Variants in HSPA12A observed in about 807,000 individuals in gnomAD.
The protein encoded by HSPA12A is heat shock protein family A (Hsp70) member 12A.
Under a neutral mutation model 69.2 loss-of-function variants are expected in HSPA12A, and 28 were observed. That is an observed-to-expected ratio of 0.40 (90% CI 0.30 to 0.55). The LOEUF (loss-of-function observed/expected upper bound fraction) is 0.55. HSPA12A is among the 20% of genes least tolerant of loss of function. The pLI is 0.38. For missense variants in HSPA12A, 686 were observed against 900.7 expected (o/e 0.76, Z 3.05); for synonymous variants, 345 against 370.5 (o/e 0.93, Z 0.79).
In HSPA12A at chr10:116,676,298, A is replaced by G. The variant is rs1849233104; in HGVS notation, c.1390+101T>C. The G allele has an allele frequency of 5.0e-6, 5 of 995,540 alleles. No individual in the cohort carries two copies. In the East Asian group the frequency reaches 1.2e-4, roughly 24 times the overall value. The allele number at this position is 995,540 out of a possible 1,614,324, so 61.7% of individuals were successfully genotyped here. ...GCCCTTGCCTGTGGCTCCCAGATCCAGGCCAACCTGACTCCACAGGCACCA... is the reference window on the plus strand; with the variant it reads ...GCCCTTGCCTGTGGCTCCCAGATCCGGGCCAACCTGACTCCACAGGCACCA... On this transcript the variant is annotated intron_variant, in intron 11 of 11. Transcript: ENST00000369209.
chr10:116,847,368 C>G (rs994700734), intron 1 of HSPA12A, among the ~76,000 whole-genome samples: 60 of 152,126 alleles, frequency 3.9e-4, no homozygotes, highest in African/African-American at 1.4e-3. Context: ...CTCTTGTTTT[C>G]TGTATAACAA....
chr10:116,743,334 T>C (rs529315064), upstream of HSPA12A, among the ~76,000 whole-genome samples: 23 of 152,322 alleles, frequency 1.5e-4, no homozygotes, highest in Admixed American at 2.6e-4. Flanking sequence ...GGCACCTGTT[T>C]GGGCCTGGCC....
chr10:116,705,089 G>A (rs535650850), intron 3 of HSPA12A, 62 bp downstream of exon 3: 161 of 1,594,850 alleles, frequency 1.0e-4, no homozygotes, highest in South Asian at 1.6e-4. Context: ...CTCATTGCCC[G>A]GAGTCTCCAC....
chr10:116,708,355 C>T (rs891106350), intron 1 of HSPA12A: 3 of 152,196 alleles, frequency 2.0e-5, no homozygotes, highest in Admixed American at 6.5e-5. Context: ...TTTTCCAAGG[C>T]AATACTTGTG....
Position 116,707,442 on chromosome 10 carries a change from A to C in HSPA12A, c.41-157T>G, listed in dbSNP as rs1043751963. ...GCCCAGCCCCAGCCAGGAAGGCAGG[A>C]ACATCCGTTCCAGCACCTCTTTGCA... On this transcript the variant is annotated intron_variant, in intron 1 of 11. Transcript: ENST00000369209. Among the ~76,000 whole-genome samples, 120 of 152,254 alleles carry C rather than the reference A, an allele frequency of 7.9e-4. 3 individuals are homozygous for C. Among genetic ancestry groups the C allele is most frequent in the Non-Finnish European group, 1.8e-4 (12 of 68,040 alleles).
intron 2 of HSPA12A, among the ~76,000 whole-genome samples, chr10:116,813,053 T>C (rs1217062495): frequency 2.6e-5 from 4 of 151,766 alleles, no homozygotes; most frequent in Non-Finnish European, 5.9e-5. Context: ...GAAGCCACGG[T>C]GATGAGGATT....
chr10:116,812,975 G>A (rs1401964375), intron 2 of HSPA12A, among the ~76,000 whole-genome samples: 1 of 152,148 alleles, frequency 6.6e-6, no homozygotes, highest in Non-Finnish European at 1.5e-5. Flanking sequence ...ACTGTGTAGG[G>A]AGGGAGGAAG....
At chr10:116,693,267 A>G (rs566659735) in intron 5 of HSPA12A, among the ~76,000 whole-genome samples, 2 of 152,330 alleles carry the variant, frequency 1.3e-5, no homozygotes, top group Non-Finnish European at 2.9e-5. Context: ...GCGGCCCTTA[A>G]CTTTTGGTTA....
chr10:116,702,063 CGCATCACT>C (rs1455690713), intron 3 of HSPA12A, among the ~76,000 whole-genome samples: 1 of 151,902 alleles, frequency 6.6e-6, no homozygotes, highest in Non-Finnish European at 1.5e-5. Context: ...GAGCTATGAT[CGCATCACT>C]GCACTCCAGC....
chr10:116,693,456 A>G (rs1849796324), intron 5 of HSPA12A, among the ~76,000 whole-genome samples: 1 of 152,198 alleles, frequency 6.6e-6, no homozygotes, highest in African/African-American at 2.4e-5. Context: ...AGATTAAATG[A>G]AAACACATGA....
At chr10:116,834,332 A>G (rs956719384) in intron 2 of HSPA12A, among the ~76,000 whole-genome samples, 1 of 152,182 alleles carries the variant, frequency 6.6e-6, no homozygotes, top group Admixed American at 6.5e-5. Context: ...AAAAGTGTGA[A>G]TGTAAATGAA....
chr10:116,684,588 G>A (rs962139122), intron 6 of HSPA12A, among the ~76,000 whole-genome samples: 59 of 152,194 alleles, frequency 3.9e-4, no homozygotes, highest in African/African-American at 1.4e-3. Flanking sequence ...CAGATAAGCA[G>A]TGGCTCCAGG....
intron 2 of HSPA12A, among the ~76,000 whole-genome samples, chr10:116,811,857 G>A (rs1283964101): frequency 6.6e-6 from 1 of 152,196 alleles, no homozygotes. Context: ...AAGGGATTCA[G>A]TGAGGGTCAA....
Position 116,712,899 on chromosome 10 carries a change from A to G in HSPA12A, c.41-5614T>C, listed in dbSNP as rs545569346. ...TAAACAGTCCTTCTTGTTAGCTTTC[A>G]GATTTACGTATCCATCAAATAAATG... On this transcript the variant is annotated intron_variant, in intron 1 of 11. Transcript: ENST00000369209. Among the ~76,000 whole-genome samples, 169 of 150,074 alleles carry G rather than the reference A, an allele frequency of 1.1e-3. 1 individual carries two copies. Among genetic ancestry groups the G allele is most frequent in the African/African-American group, 4.0e-3 (163 of 40,718 alleles).
chr10:116,838,023 C>A (rs1001715595), intron 1 of HSPA12A, among the ~76,000 whole-genome samples: 2 of 151,942 alleles, frequency 1.3e-5, no homozygotes, highest in East Asian at 3.9e-4. Context: ...AAACTAATAA[C>A]CCCAAAAGTT....
chr10:116,843,919 A>G (rs1845841481), intron 1 of HSPA12A, among the ~76,000 whole-genome samples: 1 of 152,162 alleles, frequency 6.6e-6, no homozygotes, highest in Admixed American at 6.5e-5. Flanking sequence ...TTCTAGTAGA[A>G]GCTAATAGAA....
chr10:116,751,957 G>C (rs1851785521), intron 2 of HSPA12A, among the ~76,000 whole-genome samples: 1 of 152,134 alleles, frequency 6.6e-6, no homozygotes, highest in South Asian at 2.1e-4. Context: ...CCAATGCCTT[G>C]CTTTCTGTTC....
chr10:116,754,190 G>A (rs1353010529), intron 2 of HSPA12A, among the ~76,000 whole-genome samples: 2 of 152,194 alleles, frequency 1.3e-5, no homozygotes. Context: ...AAGGAAGTGG[G>A]CTCTTCCCTA....
At chr10:116,687,993 C>T (rs1004375064) in intron 6 of HSPA12A, among the ~76,000 whole-genome samples, 4 of 151,830 alleles carry the variant, frequency 2.6e-5, no homozygotes, top group East Asian at 3.9e-4. Flanking sequence ...TTTTTTTTTG[C>T]GATTTTTTTT....
Sources: gnomAD v4.1 joint callset for allele counts (sites outside exome capture counted in the v4.1 genomes callset) on GRCh38, gnomAD v4.1.1 for gene constraint, MANE v1.5 for transcripts, NCBI Gene and HGNC (gene_info 2026-07-23, HGNC 2026-07-21) for gene names.